MTRR: variants seen among roughly 807,000 people sequenced by gnomAD.
MTRR encodes methionine synthase reductase.
A neutral mutation model predicts 79.2 loss-of-function variants in MTRR; 63 were observed. That is an observed-to-expected ratio of 0.80 (90% CI 0.65 to 0.98). The LOEUF is 0.98. Among genes scored for constraint, MTRR ranks in the 50% least tolerant of loss-of-function variants. The pLI, the probability that MTRR is intolerant of heterozygous loss-of-function variation, is 0.00. For synonymous variants in MTRR, 355 were observed against 313.3 expected (o/e 1.13, Z -1.41); for missense variants, 895 against 839.6 (o/e 1.07, Z -0.82).
At chr5:7,851,903 A>T (rs1480558171) in intron 1 of MTRR, among the ~76,000 whole-genome samples, 1 of 152,212 alleles carries the variant, frequency 6.6e-6, no homozygotes, top group Non-Finnish European at 1.5e-5. Flanking sequence ...AGCCATGATG[A>T]CCAAGGCTTG....
chr5:7,870,769 G>T lies in MTRR; in HGVS notation c.-25-1G>T, dbSNP rs780448175. On this transcript the variant is annotated splice_acceptor_variant, in intron 1 of 14. Transcript: ENST00000440940. LOFTEE classifies it low-confidence loss of function (5UTR_SPLICE). Reference sequence around the variant, plus strand: ...AGGATCTTTTTTCCCCCATTTTTCAGTTTCACTGTTACATGCCTTGAAGTG... The same window carrying T: ...AGGATCTTTTTTCCCCCATTTTTCATTTTCACTGTTACATGCCTTGAAGTG... 6.2e-7 allele frequency: 1 copy of T among 1,614,088 alleles called. No homozygotes were observed. Among genetic ancestry groups the T allele is most frequent in the South Asian group, 1.1e-5 (1 of 91,080 alleles).
intron 1 of MTRR, among the ~76,000 whole-genome samples, chr5:7,857,119 C>G (rs1045515004): frequency 6.6e-6 from 1 of 152,140 alleles, no homozygotes; most frequent in African/African-American, 2.4e-5. Context: ...GTTGTGCTAG[C>G]AAGTAAAACA....
chr5:7,851,009 C>T (rs1746064317), upstream of MTRR: 1 of 1,266,418 alleles, frequency 7.9e-7, no homozygotes, highest in South Asian at 3.2e-5. Flanking sequence ...GTCTCCTCCT[C>T]GTCGTCCTCC....
Position 7,900,152 on chromosome 5 carries a change from A to T in MTRR, c.*94A>T, listed in dbSNP as rs1739256456. 2 of 1,463,356 alleles carry T rather than the reference A, an allele frequency of 1.4e-6. No homozygotes were observed. Among genetic ancestry groups the T allele is most frequent in the Non-Finnish European group, 1.9e-6 (2 of 1,072,606 alleles). The allele number at this position is 1,463,356 out of a possible 1,614,324, so 90.6% of individuals were successfully genotyped here. On this transcript the variant is annotated 3_prime_UTR_variant, in exon 15 of 15. Coordinates refer to ENST00000440940, the MANE Select transcript of MTRR (RefSeq NM_002454.3). ...CCAAACCTTTAAATTTTCAAAAGAA[A>T]ATTTTCTTTCAACATTTCTTGAAGG...
upstream of MTRR, among the ~76,000 whole-genome samples, chr5:7,866,181 C>G (rs1407731741): frequency 1.3e-5 from 2 of 152,146 alleles, no homozygotes; most frequent in Non-Finnish European, 2.9e-5. Flanking sequence ...AACCCAAGCT[C>G]CTAGCTACAG....
rs778699591 is a variant in MTRR, at chr5:7,897,212, C to A, written c.1917C>A (p.Ile639=). ...IQLHGQQVAR[I]LLQENGHIYV... ...TTCATGGCCAGCAGGTGGCGAGAAT[C>A]CTCCTCCAGGAGAACGGCCATATTT... Residue 639 remains isoleucine (I), a synonymous_variant, in exon 14 of 15, where the codon ATC becomes ATA. Transcript: ENST00000440940. The A allele has an allele frequency of 3.1e-6, 5 of 1,613,842 alleles. No individual in the cohort carries two copies. The Admixed American group carries it at 6.7e-5, about 22-fold the overall frequency.
At chr5:7,883,526 ACATATGCTGAGTTGTG>A (rs879334274) in intron 6 of MTRR, among the ~76,000 whole-genome samples, 2,423 of 147,108 alleles carry the variant, frequency 0.016, 2 homozygotes, top group African/African-American at 0.06. Context: ...GTGCTTGGTT[ACATATGCTGAGTTGTG>A]TGGTGCTTGG....
intron 8 of MTRR, among the ~76,000 whole-genome samples, chr5:7,887,734 G>GTA (rs72162827): frequency 0.14 from 19,645 of 141,464 alleles, 1,763 homozygotes; most frequent in Non-Finnish European, 0.2. Flanking sequence ...CTGTATATGT[G>GTA]TATATATATG....
chr5:7,866,705 C>T (rs745424287), upstream of MTRR: 9 of 1,610,300 alleles, frequency 5.6e-6, no homozygotes, highest in Non-Finnish European at 6.8e-6. Flanking sequence ...GACTGGATGG[C>T]ATTCATTAAG....
At chr5:7,850,936 C>T (rs766894516), upstream of MTRR, 15 of 1,353,524 alleles carry the variant, frequency 1.1e-5, no homozygotes, top group South Asian at 3.4e-4. Flanking sequence ...CGGGATGTAG[C>T]TGAAGGCGGA....
chr5:7,875,101 A>G (rs180999015), intron 3 of MTRR, 157 bp from the exon 4 acceptor site: 4 of 662,886 alleles, frequency 6.0e-6, no homozygotes, highest in Admixed American at 2.4e-5. Context: ...GCCTACATGC[A>G]TAGAATTACT....
At chr5:7,868,993 C>A (rs755480862), upstream of MTRR, 7 of 959,164 alleles carry the variant, frequency 7.3e-6, no homozygotes, top group Non-Finnish European at 1.2e-5. Context: ...CTCTGCCGGG[C>A]AATCACTCCG....
chr5:7,873,547 A>C (rs375951634), intron 3 of MTRR, 21 bp downstream of exon 3: 1 of 1,612,590 alleles, frequency 6.2e-7, no homozygotes, highest in Non-Finnish European at 8.5e-7. Flanking sequence ...CTCTCTTCTG[A>C]TCTTACTATA....
At chr5:7,875,182 ATATTT>A (rs1221129633) in intron 3 of MTRR, 71 bp from the exon 4 acceptor site, 11 of 946,196 alleles carry the variant, frequency 1.2e-5, no homozygotes, top group African/African-American at 3.2e-5. Flanking sequence ...ATTATTTTAG[ATATTT>A]TATTTACCTA....
At chr5:7,854,859 C>T (rs531579312) in intron 1 of MTRR, among the ~76,000 whole-genome samples, 11 of 152,162 alleles carry the variant, frequency 7.2e-5, no homozygotes, top group Non-Finnish European at 1.3e-4. Flanking sequence ...GCATCTAGCA[C>T]GGGAGAAAGA....
chr5:7,885,727 A>C lies in MTRR; in HGVS notation c.930A>C (p.Gly310=), dbSNP rs2126744786. 2.5e-6 allele frequency: 4 copies of C among 1,612,812 alleles called. No homozygotes were observed. The highest frequency in any genetic ancestry group is 3.4e-6 in the Non-Finnish European group (4 of 1,179,906). The part of the protein sequence containing the change: ...ISNTDFSYQP[G]DAFSVICPNS... ...ATACAGACTTTTCCTATCAGCCTGG[A>C]GATGCCTTCAGCGTGATCTGCCCTA... The change falls in exon 7 of 15, where the codon GGA becomes GGC. Residue 310 remains glycine (G), a synonymous_variant. Coordinates refer to ENST00000440940, the MANE Select transcript of MTRR (RefSeq NM_002454.3).
At position 7,897,191 on chromosome 5, in the gene MTRR, T is replaced by G; in HGVS notation, c.1896T>G (p.His632Gln). The change falls in exon 14 of 15, where the codon CAT becomes CAG. Residue 632 changes from histidine to glutamine, a missense_variant. Transcript: ENST00000440940. ...ATGTGCAAGACAACATCCAGCTTCA[T>G]GGCCAGCAGGTGGCGAGAATCCTCC... ...AKYVQDNIQL[H>Q]GQQVARILLQ... The G allele has an allele frequency of 6.2e-7, 1 of 1,614,182 alleles. No individual in the cohort carries two copies. The highest frequency in any genetic ancestry group is 1.1e-5 in the South Asian group (1 of 91,084).
chr5:7,869,183 TG>T lies in MTRR; in HGVS notation c.-57del. On this transcript the variant is annotated 5_prime_UTR_variant, in exon 1 of 15. Coordinates refer to ENST00000440940, the MANE Select transcript of MTRR (RefSeq NM_002454.3). ...GGCGCAAGGTTGGTGGAAGTCGCGT[TG>T]TGCAGGTTCGTGCCCGGCTGGCGCG... 6.2e-7 allele frequency: 1 copy of T among 1,611,410 alleles called. No individual in the cohort carries two copies.
At chr5:7,884,435 ATTAC>A (rs1258278640) in intron 6 of MTRR, among the ~76,000 whole-genome samples, 6 of 152,200 alleles carry the variant, frequency 3.9e-5, no homozygotes, top group Admixed American at 3.9e-4. Context: ...TCATCTGTAG[ATTAC>A]TTACAGTATC....
Sources: gnomAD v4.1 joint callset for allele counts (sites outside exome capture counted in the v4.1 genomes callset) on GRCh38, gnomAD v4.1.1 for gene constraint, MANE v1.5 for transcripts, NCBI Gene and HGNC (gene_info 2026-07-23, HGNC 2026-07-21) for gene names.